The following HDAC9 variants were observed in gnomAD, a reference collection of about 807,000 sequenced individuals.
The protein encoded by HDAC9 is MEF-2 interacting transcription repressor (MITR) protein.
A neutral mutation model predicts 139.4 loss-of-function variants in HDAC9; 41 were observed. The ratio of observed to expected loss-of-function variants is 0.29; its 90% confidence interval spans 0.23 to 0.38. The LOEUF is 0.38. Ranked by LOEUF, HDAC9 falls within the 10% of genes least tolerant of loss-of-function variation. The pLI, the probability that HDAC9 is intolerant of heterozygous loss-of-function variation, is 1.00. For synonymous variants in HDAC9, 517 were observed against 476.2 expected, an observed-to-expected ratio of 1.09 and a Z score of -1.12; for missense variants, 1,147 against 1,297.0, an observed-to-expected ratio of 0.88 and a Z score of 1.78.
intron 1 of HDAC9, among the ~76,000 whole-genome samples, chr7:18,133,159 T>C (rs1004541476): frequency 2.0e-5 from 3 of 152,146 alleles, no homozygotes; most frequent in African/African-American, 7.2e-5. Context: ...GAAAATACAT[T>C]GGAAAAACAC....
intron 8 of HDAC9, among the ~76,000 whole-genome samples, chr7:18,638,828 C>G (rs1011141251): frequency 8.6e-5 from 13 of 152,022 alleles, no homozygotes; most frequent in Non-Finnish European, 4.4e-5. Flanking sequence ...GAGCTACTTG[C>G]TTTACTCATT....
chr7:18,699,377 C>A (rs76362667), intron 12 of HDAC9, among the ~76,000 whole-genome samples: 1 of 151,120 alleles, frequency 6.6e-6, no homozygotes, highest in Admixed American at 6.6e-5. Flanking sequence ...TGTGTGTGTG[C>A]GTGTACGTGT....
chr7:18,382,925 A>T, intron 1 of HDAC9, among the ~76,000 whole-genome samples: 1 of 152,242 alleles, frequency 6.6e-6, no homozygotes, highest in East Asian at 1.9e-4. Flanking sequence ...AAATACAAAT[A>T]TACACACACA....
chr7:18,947,346 C>T (rs1310123229), intron 23 of HDAC9, among the ~76,000 whole-genome samples: 2 of 151,776 alleles, frequency 1.3e-5, no homozygotes, highest in African/African-American at 4.8e-5. Context: ...TAAAATTGAT[C>T]GAACTCTAGT....
At chr7:18,934,941 G>A (rs189651689) in intron 22 of HDAC9, among the ~76,000 whole-genome samples, 25 of 152,192 alleles carry the variant, frequency 1.6e-4, no homozygotes, top group African/African-American at 2.9e-4. Context: ...GGTAACCTCT[G>A]TTGACATATA....
rs1783789969 is a variant in HDAC9, at chr7:18,361,701, G to A, written c.-42+71186G>A. 3.3e-5 allele frequency among the ~76,000 whole-genome samples: 5 copies of A among 151,864 alleles called. No individual in the cohort carries two copies. The South Asian group carries it at 1.0e-3, about 32-fold the overall frequency. On this transcript the variant is annotated intron_variant, in intron 1 of 3. Coordinates refer to the HDAC9 transcript ENST00000413509. ...ATGGTTAATTCTACTTCTGTTTAAG[G>A]AAAAGACCTTAACTTTAATTCATAG...
chr7:18,503,210 C>T (rs1292073056), intron 2 of HDAC9, among the ~76,000 whole-genome samples: 1 of 152,178 alleles, frequency 6.6e-6, no homozygotes, highest in African/African-American at 2.4e-5. Context: ...ATGGTCCCCC[C>T]TGTTTTTGAA....
At chr7:18,285,269 T>A (rs1458072248) in intron 2 of HDAC9, among the ~76,000 whole-genome samples, 3 of 152,128 alleles carry the variant, frequency 2.0e-5, no homozygotes, top group Non-Finnish European at 2.9e-5. Context: ...GTATTGTTCA[T>A]TTTTTAGTGT....
rs563296985 is a variant in HDAC9, at chr7:18,966,329, C to G, written c.3023-9477C>G. Among the ~76,000 whole-genome samples, 7 of 152,244 alleles carry G rather than the reference C, an allele frequency of 4.6e-5. No individual in the cohort carries two copies. The South Asian group carries it at 1.5e-3, about 32-fold the overall frequency. ...GATCTGGGAGTTAAAGGAAGAAATA[C>G]TCAACATTGCTGCCACTTGGCACAC... On this transcript the variant is annotated intron_variant, in intron 24 of 25. Coordinates refer to ENST00000686413, the MANE Select transcript of HDAC9 (RefSeq NM_178425.4).
At chr7:18,441,130 G>A (rs1489523924) in intron 1 of HDAC9, among the ~76,000 whole-genome samples, 2 of 152,166 alleles carry the variant, frequency 1.3e-5, no homozygotes, top group African/African-American at 4.8e-5. Context: ...GGATACCCCA[G>A]ATACTCAAAG....
intron 1 of HDAC9, among the ~76,000 whole-genome samples, chr7:18,440,013 C>T (rs760753462): frequency 6.6e-6 from 1 of 152,110 alleles, no homozygotes; most frequent in Non-Finnish European, 1.5e-5. Flanking sequence ...TGAAATTCAT[C>T]ATTGTACCCA....
chr7:18,328,979 T>A (rs772932350), intron 1 of HDAC9, among the ~76,000 whole-genome samples: 3 of 151,896 alleles, frequency 2.0e-5, no homozygotes, highest in Non-Finnish European at 4.4e-5. Context: ...TGAATCAGTC[T>A]CCTTACTCAT....
At chr7:18,554,207 A>G (rs1291581980) in intron 2 of HDAC9, among the ~76,000 whole-genome samples, 1 of 151,098 alleles carries the variant, frequency 6.6e-6, no homozygotes, top group Non-Finnish European at 1.5e-5. Context: ...ATAGAACTGT[A>G]TTGTCTATAT....
intron 17 of HDAC9, among the ~76,000 whole-genome samples, chr7:18,814,497 G>A (rs2520355): frequency 0.43 from 65,399 of 151,900 alleles, 16,015 homozygotes; most frequent in African/African-American, 0.68. Flanking sequence ...CCAGTGTTCA[G>A]ATTGTACATA....
At chr7:18,115,455 ATTATG>A (rs1783917846) in intron 1 of HDAC9, among the ~76,000 whole-genome samples, 1 of 152,252 alleles carries the variant, frequency 6.6e-6, no homozygotes, top group Non-Finnish European at 1.5e-5. Flanking sequence ...AAAGCCAATG[ATTATG>A]TTATTTGCAA....
At chr7:18,922,083 T>G (rs1239539675) in intron 22 of HDAC9, among the ~76,000 whole-genome samples, 242 of 76,290 alleles carry the variant, frequency 3.2e-3, no homozygotes, top group Middle Eastern at 0.022. Flanking sequence ...TGTTGTGGGG[T>G]GGGGGGAGGG....
At chr7:18,290,509 A>C in exon 1 of HDAC9, 1 of 456,650 alleles carries the variant, frequency 2.2e-6, no homozygotes, top group South Asian at 1.5e-5. Flanking sequence ...AATGCACAAC[A>C]AAACGGGTAA....
intron 1 of HDAC9, among the ~76,000 whole-genome samples, chr7:18,467,149 G>A (rs1005328424): frequency 2.6e-5 from 4 of 152,172 alleles, no homozygotes; most frequent in African/African-American, 9.6e-5. Flanking sequence ...ATATCTCACC[G>A]TCTTCTTCCC....
At chr7:18,503,970 A>C (rs1799072481) in intron 2 of HDAC9, among the ~76,000 whole-genome samples, 1 of 152,196 alleles carries the variant, frequency 6.6e-6, no homozygotes, top group Non-Finnish European at 1.5e-5. Flanking sequence ...AAATCCAGAA[A>C]ACAAAAAATA....
Sources: allele counts gnomAD v4.1 joint callset (sites outside exome capture counted in the v4.1 genomes callset), GRCh38; gene constraint gnomAD v4.1.1; transcripts MANE v1.5; gene names NCBI Gene and HGNC (gene_info 2026-07-23, HGNC 2026-07-21).